CALN1: variants seen among roughly 807,000 people sequenced by gnomAD.
CALN1 encodes the protein calcium-binding protein 8.
Under a neutral mutation model 30.6 loss-of-function variants are expected in CALN1, and 17 were observed. The observed-to-expected ratio is 0.56, with a 90% CI of 0.38 to 0.83. The LOEUF is 0.83. Ranked by LOEUF, CALN1 falls within the 40% of genes least tolerant of loss-of-function variation. CALN1 has a pLI of 0.00. For synonymous variants in CALN1, 156 were observed against 131.4 expected (o/e 1.19, Z -1.28); for missense variants, 291 against 354.9 (o/e 0.82, Z 1.45).
intron 5 of CALN1, among the ~76,000 whole-genome samples, chr7:71,915,298 G>A (rs544339875): frequency 6.6e-6 from 1 of 152,314 alleles, no homozygotes; most frequent in South Asian, 2.1e-4. Context: ...ATCTCAGTGG[G>A]ACTTTCTTTC....
chr7:72,328,997 C>T (rs555942646), intron 2 of CALN1, among the ~76,000 whole-genome samples: 7 of 152,228 alleles, frequency 4.6e-5, no homozygotes, highest in African/African-American at 1.2e-4. Context: ...GTGCCCAGCC[C>T]GGTGTCTACA....
intron 1 of CALN1, among the ~76,000 whole-genome samples, chr7:72,421,443 A>G (rs1807605280): frequency 6.6e-6 from 1 of 151,836 alleles, no homozygotes; most frequent in Admixed American, 6.6e-5. Context: ...TCTCTTCATC[A>G]ACCTTTCTGC....
intron 3 of CALN1, among the ~76,000 whole-genome samples, chr7:72,208,549 GA>G (rs1468432820): frequency 6.6e-6 from 1 of 152,104 alleles, no homozygotes; most frequent in Non-Finnish European, 1.5e-5. Context: ...CATAGGCAGA[GA>G]AAAAAAGAGT....
intron 3 of CALN1, among the ~76,000 whole-genome samples, chr7:72,253,727 C>G (rs926257680): frequency 2.0e-5 from 3 of 152,266 alleles, no homozygotes; most frequent in African/African-American, 4.8e-5. Context: ...GGTGGGGACA[C>G]AAAGCCAAAC....
At chr7:72,294,065 T>A (rs938575320) in intron 2 of CALN1, among the ~76,000 whole-genome samples, 1 of 152,084 alleles carries the variant, frequency 6.6e-6, no homozygotes, top group Non-Finnish European at 1.5e-5. Flanking sequence ...ACCACTGCAC[T>A]CCAGCCTGGG....
intron 2 of CALN1, among the ~76,000 whole-genome samples, chr7:72,381,237 G>T (rs1414007230): frequency 1.3e-5 from 2 of 152,188 alleles, no homozygotes; most frequent in African/African-American, 4.8e-5. Context: ...CACTGTTGGT[G>T]AGAGTGTAAA....
chr7:71,919,664 G>C (rs1354180532), intron 5 of CALN1, among the ~76,000 whole-genome samples: 3 of 152,138 alleles, frequency 2.0e-5, no homozygotes, highest in African/African-American at 4.8e-5. Flanking sequence ...AGTAAAAGAA[G>C]AACAAAAGGA....
intron 2 of CALN1, among the ~76,000 whole-genome samples, chr7:72,342,374 G>A (rs1288882794): frequency 1.3e-5 from 2 of 152,126 alleles, no homozygotes; most frequent in Non-Finnish European, 2.9e-5. Context: ...TATTAAGGTG[G>A]TTGCAGGTTT....
At chr7:71,845,642 T>C (rs1389012446) in intron 5 of CALN1, among the ~76,000 whole-genome samples, 2 of 152,182 alleles carry the variant, frequency 1.3e-5, no homozygotes, top group African/African-American at 4.8e-5. Flanking sequence ...GGGGAACTTG[T>C]TAGAAATAGA....
chr7:72,155,793 T>C (rs1787626288), intron 3 of CALN1, among the ~76,000 whole-genome samples: 2 of 152,160 alleles, frequency 1.3e-5, no homozygotes, highest in African/African-American at 4.8e-5. Context: ...GTGAGTCTTA[T>C]GGGGCTCAAA....
In CALN1 at chr7:72,127,009, G is replaced by A. The variant is rs570214441; in HGVS notation, c.245-20715C>T. On this transcript the variant is annotated intron_variant, in intron 3 of 6. Coordinates refer to ENST00000395275, the MANE Select transcript of CALN1 (RefSeq NM_031468.4). ...TATATAAATAAAATTTTAAAAAATCGTAACCCGTTCCTTGGGCCTCCAAGG... is the reference window on the plus strand; with the variant it reads ...TATATAAATAAAATTTTAAAAAATCATAACCCGTTCCTTGGGCCTCCAAGG... Among the ~76,000 whole-genome samples the A allele has an allele frequency of 5.4e-3, 822 of 151,906 alleles. 1 individual carries two copies. Among genetic ancestry groups the A allele is most frequent in the Non-Finnish European group, 8.8e-3 (596 of 67,958 alleles).
chr7:72,500,269 C>CTGTT, the CALN1 span, among the ~76,000 whole-genome samples: 1 of 51,364 alleles, frequency 1.9e-5, no homozygotes, highest in African/African-American at 8.5e-5. Flanking sequence ...TTCGTTCCTT[C>CTGTT]TTTTTTTTTT....
intron 5 of CALN1, among the ~76,000 whole-genome samples, chr7:71,823,816 G>C (rs896751392): frequency 3.3e-5 from 5 of 152,130 alleles, no homozygotes; most frequent in African/African-American, 9.7e-5. Flanking sequence ...CACATGGCTA[G>C]GGAGGCCTCA....
intron 4 of CALN1, among the ~76,000 whole-genome samples, chr7:72,075,641 G>A (rs1804678716): frequency 6.6e-6 from 1 of 152,072 alleles, no homozygotes; most frequent in South Asian, 2.1e-4. Flanking sequence ...TCTTGGCCTG[G>A]GTGACAATGC....
At chr7:71,849,569 T>C (rs1790519825) in intron 5 of CALN1, among the ~76,000 whole-genome samples, 3 of 152,150 alleles carry the variant, frequency 2.0e-5, no homozygotes, top group Non-Finnish European at 4.4e-5. Flanking sequence ...ATCTATCTAA[T>C]TGGCAAAATA....
intron 2 of CALN1, among the ~76,000 whole-genome samples, chr7:72,362,664 C>CT (rs1434551137): frequency 1.3e-5 from 2 of 152,178 alleles, no homozygotes; most frequent in Admixed American, 1.3e-4. Flanking sequence ...GGCTGTCATT[C>CT]TGTCCTGCCT....
chr7:72,441,834 T>C (rs560271462), intron 1 of CALN1, among the ~76,000 whole-genome samples: 4 of 152,134 alleles, frequency 2.6e-5, no homozygotes, highest in South Asian at 2.1e-4. Context: ...TCATCTGAGA[T>C]GGCTTTAAAT....
intron 4 of CALN1, among the ~76,000 whole-genome samples, chr7:72,046,600 C>G: frequency 6.7e-6 from 1 of 149,632 alleles, no homozygotes; most frequent in East Asian, 2.0e-4. Flanking sequence ...ATCTCAGCTA[C>G]TCAGGAGGCT....
intron 2 of CALN1, among the ~76,000 whole-genome samples, chr7:72,354,919 A>G (rs1171019720): frequency 6.8e-6 from 1 of 147,504 alleles, no homozygotes; most frequent in Non-Finnish European, 1.5e-5. Flanking sequence ...TTTTTTTTTA[A>G]TTTCCCTTGA....
Sources: allele counts gnomAD v4.1 joint callset (sites outside exome capture counted in the v4.1 genomes callset), GRCh38; gene constraint gnomAD v4.1.1; transcripts MANE v1.5; gene names NCBI Gene and HGNC (gene_info 2026-07-23, HGNC 2026-07-21).